Variants in AUH observed in about 807,000 individuals in gnomAD.
AUH encodes the protein AU RNA binding methylglutaconyl-CoA hydratase.
A neutral mutation model predicts 42.3 loss-of-function variants in AUH; 29 were observed. The ratio of observed to expected loss-of-function variants is 0.69; its 90% confidence interval spans 0.51 to 0.93. The LOEUF (loss-of-function observed/expected upper bound fraction) is 0.93, where lower values mean the gene tolerates loss of function less well. Among genes scored for constraint, AUH ranks in the 40% least tolerant of loss-of-function variants. The pLI is 0.00. For synonymous variants in AUH, 174 were observed against 166.4 expected (o/e 1.05, Z -0.35); for missense variants, 452 against 438.1 (o/e 1.03, Z -0.28).
intron 3 of AUH, among the ~76,000 whole-genome samples, chr9:91,350,449 A>G (rs1831877343): frequency 6.6e-6 from 1 of 152,222 alleles, no homozygotes; most frequent in African/African-American, 2.4e-5. Flanking sequence ...CTTTTAGTCT[A>G]AAATTTATCT....
rs201448109 is a variant in AUH, at chr9:91,267,237, T to TA, written c.655+28783dup. Among the ~76,000 whole-genome samples the TA allele has an allele frequency of 2.0e-3, 304 of 151,740 alleles. 2 individuals are homozygous for TA. Among genetic ancestry groups the TA allele is most frequent in the African/African-American group, 6.9e-3 (286 of 41,382 alleles). On this transcript the variant is annotated intron_variant, in intron 6 of 9. Transcript: ENST00000375731. ...TAAAAGGTAACAAATATAATGTCTTTAAAAAAAAACTTTGCAATACAGATA... is the reference window on the plus strand; with the variant it reads ...TAAAAGGTAACAAATATAATGTCTTTAAAAAAAAAACTTTGCAATACAGATA...
At chr9:91,252,625 C>T (rs1829197854) in intron 6 of AUH, among the ~76,000 whole-genome samples, 2 of 152,162 alleles carry the variant, frequency 1.3e-5, no homozygotes, top group Non-Finnish European at 2.9e-5. Context: ...GCATAAAGGG[C>T]AGGATGGCAC....
At chr9:91,303,713 A>G (rs985056062) in intron 4 of AUH, among the ~76,000 whole-genome samples, 1 of 152,244 alleles carries the variant, frequency 6.6e-6, no homozygotes, top group African/African-American at 2.4e-5. Flanking sequence ...GAAAGGCCCT[A>G]TGTAGCATTA....
At chr9:91,270,840 C>G (rs2292364) in intron 6 of AUH, among the ~76,000 whole-genome samples, 218 of 152,078 alleles carry the variant, frequency 1.4e-3, no homozygotes, top group African/African-American at 5.1e-3. Context: ...TGTTTCAATG[C>G]TTTTAAAAAT....
chr9:91,327,363 C>G (rs1343801413), intron 3 of AUH, among the ~76,000 whole-genome samples: 1 of 152,182 alleles, frequency 6.6e-6, no homozygotes, highest in Non-Finnish European at 1.5e-5. Flanking sequence ...CTTCTATCCC[C>G]ATATTACCCT....
At chr9:91,286,668 A>G (rs1211238854) in intron 6 of AUH, among the ~76,000 whole-genome samples, 1 of 151,928 alleles carries the variant, frequency 6.6e-6, no homozygotes, top group African/African-American at 2.4e-5. Flanking sequence ...CCATGAGGAA[A>G]TATTAAGTTA....
chr9:91,331,761 T>C (rs1209669434), intron 3 of AUH, among the ~76,000 whole-genome samples: 1 of 152,242 alleles, frequency 6.6e-6, no homozygotes, highest in Non-Finnish European at 1.5e-5. Context: ...TTTCTATACT[T>C]ATATTTGCAG....
At chr9:91,304,331 A>G (rs1267070827) in intron 4 of AUH, among the ~76,000 whole-genome samples, 1 of 152,216 alleles carries the variant, frequency 6.6e-6, no homozygotes, top group Admixed American at 6.5e-5. Flanking sequence ...TAGGAAAAAA[A>G]GAGAAAAACT....
chr9:91,339,989 G>T (rs1830984459), intron 3 of AUH, among the ~76,000 whole-genome samples: 1 of 152,192 alleles, frequency 6.6e-6, no homozygotes, highest in Admixed American at 6.5e-5. Context: ...CCTCTCAGAG[G>T]AAGAGCTCCA....
intron 6 of AUH, among the ~76,000 whole-genome samples, chr9:91,281,322 GTTTT>G (rs10566158): frequency 0.026 from 3,939 of 152,110 alleles, 79 homozygotes; most frequent in East Asian, 0.066. Flanking sequence ...CATCCAGTTT[GTTTT>G]TTATTTTGGC....
At chr9:91,294,541 C>T (rs139806657) in intron 6 of AUH, 154 of 364,528 alleles carry the variant, frequency 4.2e-4, no homozygotes, top group African/African-American at 3.0e-3. Context: ...AGCGAGACTC[C>T]GTCTCAAAAA....
chr9:91,258,162 A>G (rs1460989150), intron 6 of AUH, among the ~76,000 whole-genome samples: 1 of 152,202 alleles, frequency 6.6e-6, no homozygotes, highest in Non-Finnish European at 1.5e-5. Context: ...GACTCTTTAA[A>G]ATTTTATCTG....
chr9:91,325,489 T>C (rs1391090401), intron 3 of AUH, 85 bp from the exon 4 acceptor site: 2 of 1,116,344 alleles, frequency 1.8e-6, no homozygotes, highest in South Asian at 1.2e-5. Flanking sequence ...AAGATTAGTA[T>C]ACAACTTCAA....
rs116549998 is a variant in AUH, at chr9:91,262,389, C to T, written c.655+33632G>A. Among the ~76,000 whole-genome samples, 395 of 152,180 alleles carry T rather than the reference C, an allele frequency of 2.6e-3. 2 individuals carry two copies. Among genetic ancestry groups the T allele is most frequent in the African/African-American group, 9.2e-3 (380 of 41,508 alleles). The stretch of plus-strand genomic sequence containing the variant: ...TGACAGGATCATCTGCAAGAGGTAC[C>T]AAAGACCTAGACCAGCTATTACGGT... On this transcript the variant is annotated intron_variant, in intron 6 of 9. Coordinates refer to ENST00000375731, the MANE Select transcript of AUH (RefSeq NM_001698.3).
At chr9:91,228,784 T>G (rs1238753706) in intron 6 of AUH, among the ~76,000 whole-genome samples, 1 of 152,182 alleles carries the variant, frequency 6.6e-6, no homozygotes, top group Non-Finnish European at 1.5e-5. Flanking sequence ...AAAGAACATC[T>G]TTATATCTGC....
intron 9 of AUH, among the ~76,000 whole-genome samples, chr9:91,215,605 G>A (rs1826778269): frequency 6.6e-6 from 1 of 152,124 alleles, no homozygotes; most frequent in African/African-American, 2.4e-5. Flanking sequence ...AGGGCCGACT[G>A]TGTAAAAAAT....
At chr9:91,314,505 AAC>A (rs55998853) in intron 4 of AUH, among the ~76,000 whole-genome samples, 2,691 of 151,312 alleles carry the variant, frequency 0.018, 76 homozygotes, top group African/African-American at 0.054. Flanking sequence ...AAAAAAAAAA[AAC>A]ACCTTAAAAC....
intron 6 of AUH, among the ~76,000 whole-genome samples, chr9:91,235,004 T>C (rs558645756): frequency 6.6e-6 from 1 of 151,762 alleles, no homozygotes; most frequent in South Asian, 2.1e-4. Context: ...AGGCAGAGTA[T>C]GGCCCATTGA....
chr9:91,241,553 T>C (rs1372452788), intron 6 of AUH, among the ~76,000 whole-genome samples: 2 of 152,192 alleles, frequency 1.3e-5, no homozygotes, highest in Non-Finnish European at 2.9e-5. Context: ...ATATGTATTA[T>C]GTATGTGTAA....
Sources: gnomAD v4.1 joint callset for allele counts (sites outside exome capture counted in the v4.1 genomes callset) on GRCh38, gnomAD v4.1.1 for gene constraint, MANE v1.5 for transcripts, NCBI Gene and HGNC (gene_info 2026-07-23, HGNC 2026-07-21) for gene names.